PCDH7: variants seen among roughly 807,000 people sequenced by gnomAD.
PCDH7 encodes protocadherin-7.
In PCDH7, 17 loss-of-function variants were observed where a neutral mutation model predicts 58.9. The observed-to-expected ratio is 0.29, with a 90% CI of 0.20 to 0.43. The LOEUF is 0.43. Among genes scored for constraint, PCDH7 ranks in the 20% least tolerant of loss-of-function variants. PCDH7 has a pLI of 1.00. For synonymous variants in PCDH7, 664 were observed against 616.4 expected (o/e 1.08, Z -1.14); for missense variants, 1,274 against 1,441.0 (o/e 0.88, Z 1.88).
intron 1 of PCDH7, among the ~76,000 whole-genome samples, chr4:30,838,804 A>G (rs1033422058): frequency 1.3e-5 from 2 of 152,166 alleles, no homozygotes; most frequent in African/African-American, 4.8e-5. Context: ...CTAAATGCAG[A>G]AAGTCTAGCA....
Position 30,968,390 on chromosome 4 carries a change from A to ACACAC in PCDH7, c.*7+18175_*7+18176insCACAC, listed in dbSNP as rs1195373627. Among the ~76,000 whole-genome samples, 44 of 54,056 alleles carry ACACAC rather than the reference A, an allele frequency of 8.1e-4. 4 individuals carry two copies. The highest frequency in any genetic ancestry group is 5.2e-3 in the African/African-American group (37 of 7,164). The allele number at this position is 54,056 out of a possible 152,430, so 35.5% of individuals were successfully genotyped here. A position where few individuals can be genotyped will look rare whatever the true frequency, so the allele number is the denominator to read the frequency against. On this transcript the variant is annotated intron_variant, in intron 3 of 3. Transcript: ENST00000509759. Reference sequence around the variant, plus strand: ...ATATACACACACTATATATATATATATATATATATATATATATATATATAT... The same window carrying ACACAC: ...ATATACACACACTATATATATATATACACACTATATATATATATATATATATATAT...
intron 1 of PCDH7, among the ~76,000 whole-genome samples, chr4:30,897,810 G>A (rs1429648467): frequency 1.3e-5 from 2 of 152,060 alleles, no homozygotes; most frequent in Non-Finnish European, 1.5e-5. Context: ...TGATATCCTG[G>A]GAATGCAAGC....
At chr4:30,946,887 C>T (rs566378224) in intron 2 of PCDH7, among the ~76,000 whole-genome samples, 3 of 152,070 alleles carry the variant, frequency 2.0e-5, no homozygotes, top group Non-Finnish European at 4.4e-5. Context: ...TTTTTTTGTG[C>T]TTTTAGTAGG....
At chr4:30,809,805 G>T (rs1035228093) in intron 1 of PCDH7, among the ~76,000 whole-genome samples, 4 of 152,044 alleles carry the variant, frequency 2.6e-5, no homozygotes, top group Non-Finnish European at 5.9e-5. Flanking sequence ...TCTCGGGGTT[G>T]GCAGAATGGG....
At chr4:30,893,658 T>C (rs777322018) in intron 1 of PCDH7, among the ~76,000 whole-genome samples, 23 of 152,150 alleles carry the variant, frequency 1.5e-4, no homozygotes, top group Non-Finnish European at 2.8e-4. Context: ...TTGTTGAATA[T>C]TAGTATGTGG....
chr4:30,723,106 G>A lies in PCDH7; in HGVS notation c.1684G>A (p.Ala562Thr). ...GGTGGCCACGGTGCTGGCGACAGAC[G>A]CAGACAGCGGTAAGAACGCCGAGAT... is the stretch of plus-strand genomic sequence containing the variant. Residue 562 changes from alanine (A) to threonine (T), a missense_variant, in exon 1 of 2, where the codon GCA (alanine) becomes ACA (threonine). Physicochemically the swap from Ala to Thr is moderately conservative, Grantham distance 58 (BLOSUM62 0). Coordinates refer to ENST00000361762, the Ensembl canonical transcript of PCDH7. The surrounding 1 kb of genome is among the most constrained non-coding windows in gnomAD (Gnocchi z 4.6). 1 of 1,613,962 alleles carries A rather than the reference G, an allele frequency of 6.2e-7. No individual in the cohort carries two copies. Among genetic ancestry groups the A allele is most frequent in the Non-Finnish European group, 8.5e-7 (1 of 1,180,040 alleles).
intron 3 of PCDH7, among the ~76,000 whole-genome samples, chr4:31,114,683 G>A (rs2109315650): frequency 6.7e-6 from 1 of 149,906 alleles, no homozygotes; most frequent in Non-Finnish European, 1.5e-5. Flanking sequence ...AGATGGGGAG[G>A]GAGGAGGAAG....
intron 1 of PCDH7, among the ~76,000 whole-genome samples, chr4:30,748,773 G>A (rs570972803): frequency 6.6e-4 from 100 of 152,158 alleles, no homozygotes; most frequent in Non-Finnish European, 1.4e-3. Flanking sequence ...GTGTTGTGAG[G>A]GTTAAATTTG....
At chr4:31,095,488 T>C (rs1713844704) in intron 3 of PCDH7, among the ~76,000 whole-genome samples, 1 of 152,204 alleles carries the variant, frequency 6.6e-6, no homozygotes, top group African/African-American at 2.4e-5. Flanking sequence ...TGTTCTATCT[T>C]TCAAAATAAC....
At chr4:31,141,210 C>T (rs1720210759) in intron 3 of PCDH7, among the ~76,000 whole-genome samples, 1 of 152,190 alleles carries the variant, frequency 6.6e-6, no homozygotes, top group Non-Finnish European at 1.5e-5. Flanking sequence ...AAATAACTTC[C>T]TCTTCTATTT....
intron 1 of PCDH7, among the ~76,000 whole-genome samples, chr4:30,881,017 C>T (rs1372253027): frequency 6.6e-6 from 1 of 152,120 alleles, no homozygotes; most frequent in African/African-American, 2.4e-5. Flanking sequence ...TTCTCAACTC[C>T]AAGACCATCA....
Position 31,005,550 on chromosome 4 carries a change from C to A in PCDH7, c.*7+55335C>A, listed in dbSNP as rs377359800. 9.2e-5 allele frequency among the ~76,000 whole-genome samples: 14 copies of A among 152,222 alleles called. No individual in the cohort carries two copies. The South Asian group carries it at 2.5e-3, about 27-fold the overall frequency. On this transcript the variant is annotated intron_variant, in intron 3 of 3. Coordinates refer to the PCDH7 transcript ENST00000509759. Reference sequence around the variant, plus strand: ...AAGTAATGATTTGCCAATGTGTTCCCTCTGTTCTGTTAGGTTTATCGGCAT... The same window carrying A: ...AAGTAATGATTTGCCAATGTGTTCCATCTGTTCTGTTAGGTTTATCGGCAT...
At chr4:31,072,795 A>G (rs1275526607) in intron 3 of PCDH7, among the ~76,000 whole-genome samples, 1 of 152,154 alleles carries the variant, frequency 6.6e-6, no homozygotes, top group African/African-American at 2.4e-5. Flanking sequence ...AGTTCCTGCA[A>G]TGGGTTGTAA....
chr4:30,740,620 AT>A (rs1716937748), intron 1 of PCDH7, among the ~76,000 whole-genome samples: 1 of 151,920 alleles, frequency 6.6e-6, no homozygotes, highest in East Asian at 1.9e-4. Context: ...TTTGACTAGG[AT>A]TTTTTTAAAA....
chr4:31,075,788 G>A (rs962985267), intron 3 of PCDH7, among the ~76,000 whole-genome samples: 14 of 152,192 alleles, frequency 9.2e-5, no homozygotes, highest in African/African-American at 2.9e-4. Context: ...TTTCAATCCA[G>A]AAGTTAATCC....
chr4:30,902,750 T>A (rs1578228973), intron 1 of PCDH7, among the ~76,000 whole-genome samples: 1 of 152,142 alleles, frequency 6.6e-6, no homozygotes, highest in African/African-American at 2.4e-5. Flanking sequence ...AACCCTTTTA[T>A]TTTAGATATG....
intron 1 of PCDH7, among the ~76,000 whole-genome samples, chr4:30,903,959 C>A (rs1740561270): frequency 6.6e-6 from 1 of 152,006 alleles, no homozygotes; most frequent in Non-Finnish European, 1.5e-5. Flanking sequence ...ATATACAACA[C>A]AATATATTGA....
At chr4:30,966,237 T>G (rs1182523596) in intron 3 of PCDH7, among the ~76,000 whole-genome samples, 1 of 152,204 alleles carries the variant, frequency 6.6e-6, no homozygotes, top group African/African-American at 2.4e-5. Flanking sequence ...AGAACGACAC[T>G]GTCAGAATTT....
At chr4:31,129,520 T>A (rs1718708519) in intron 3 of PCDH7, among the ~76,000 whole-genome samples, 1 of 151,906 alleles carries the variant, frequency 6.6e-6, no homozygotes, top group African/African-American at 2.4e-5. Flanking sequence ...AAATAAGGGG[T>A]TTGTGATTTA....
Sources: allele counts gnomAD v4.1 joint callset (sites outside exome capture counted in the v4.1 genomes callset), GRCh38; gene constraint gnomAD v4.1.1; non-coding constraint Gnocchi (gnomAD v3.1); transcripts MANE v1.5; gene names NCBI Gene and HGNC (gene_info 2026-07-23, HGNC 2026-07-21).